MSH3: variants seen among roughly 807,000 people sequenced by gnomAD.
The protein encoded by MSH3 is mutS homolog 3.
In MSH3, 106 loss-of-function variants were observed where a neutral mutation model predicts 123.3. The ratio of observed to expected loss-of-function variants is 0.86; its 90% CI spans 0.73 to 1.01. MSH3 has a LOEUF of 1.01. Among genes scored for constraint, MSH3 ranks in the 50% least tolerant of loss-of-function variants. The pLI is 0.00. For missense variants in MSH3, 1,459 were observed against 1,347.6 expected (o/e 1.08, Z -1.29); for synonymous variants, 515 against 481.4 (o/e 1.07, Z -0.91).
At chr5:80,723,050 A>G (rs998432716) in intron 8 of MSH3, among the ~76,000 whole-genome samples, 78 of 152,162 alleles carry the variant, frequency 5.1e-4, no homozygotes, top group Middle Eastern at 3.4e-3. Flanking sequence ...TGATGCTGCA[A>G]TGAGCCCTGG....
intron 8 of MSH3, among the ~76,000 whole-genome samples, chr5:80,706,230 G>T (rs1375756026): frequency 6.6e-6 from 1 of 152,182 alleles, no homozygotes; most frequent in Non-Finnish European, 1.5e-5. Context: ...TTTAGAAAGA[G>T]TAGTTATTTT....
intron 20 of MSH3, among the ~76,000 whole-genome samples, chr5:80,835,988 A>G (rs1013414166): frequency 9.9e-5 from 15 of 152,160 alleles, no homozygotes; most frequent in Non-Finnish European, 2.1e-4. Context: ...TTATATTACT[A>G]TAATAAGCTT....
intron 12 of MSH3, among the ~76,000 whole-genome samples, chr5:80,748,691 T>TACACACACAC (rs36206914): frequency 2.7e-5 from 4 of 147,360 alleles, no homozygotes; most frequent in Admixed American, 6.8e-5. Flanking sequence ...ATTTTTTATT[T>TACACACACAC]ACACACACAC....
chr5:80,824,283 C>T (rs1580072395), intron 20 of MSH3, among the ~76,000 whole-genome samples: 1 of 152,142 alleles, frequency 6.6e-6, no homozygotes, highest in African/African-American at 2.4e-5. Flanking sequence ...GGCAGAGGCG[C>T]CCCTCACCTC....
chr5:80,734,617 T>C (rs1743469107), intron 10 of MSH3, among the ~76,000 whole-genome samples: 1 of 152,196 alleles, frequency 6.6e-6, no homozygotes, highest in Non-Finnish European at 1.5e-5. Context: ...ATTTCTACTC[T>C]GGTTGGAGAG....
intron 12 of MSH3, among the ~76,000 whole-genome samples, chr5:80,761,230 G>T (rs55900745): frequency 2.6e-5 from 4 of 152,166 alleles, no homozygotes; most frequent in Non-Finnish European, 4.4e-5. Context: ...AAGACAGAAC[G>T]AGAATCTTGC....
At chr5:80,661,168 C>T (rs1278992936) in intron 2 of MSH3, among the ~76,000 whole-genome samples, 1 of 152,110 alleles carries the variant, frequency 6.6e-6, no homozygotes, top group Admixed American at 6.5e-5. Flanking sequence ...TAAAGCTTCT[C>T]GAGTCTGTGG....
Position 80,759,367 on chromosome 5 carries a change from G to A in MSH3, c.1764-2179G>A, listed in dbSNP as rs185261163. 3.5e-4 allele frequency among the ~76,000 whole-genome samples: 54 copies of A among 152,336 alleles called. No homozygotes were observed. In the East Asian group the frequency reaches 8.5e-3, roughly 24 times the overall value. On this transcript the variant is annotated intron_variant, in intron 12 of 23. Transcript: ENST00000265081. ...TCAGAGGAAGAGAGGGTAGGAGTTC[G>A]CCAGACGAAGTGTAGCTGATGGGTG...
At chr5:80,818,001 G>A (rs908979097) in intron 20 of MSH3, among the ~76,000 whole-genome samples, 1 of 152,148 alleles carries the variant, frequency 6.6e-6, no homozygotes, top group Non-Finnish European at 1.5e-5. Context: ...CCTGAGGTCA[G>A]GAGTTCAAGA....
intron 20 of MSH3, among the ~76,000 whole-genome samples, chr5:80,832,152 A>G (rs1745431332): frequency 6.6e-6 from 1 of 151,978 alleles, no homozygotes; most frequent in South Asian, 2.1e-4. Flanking sequence ...TCTCCCATAC[A>G]AAGCACTTAG....
intron 13 of MSH3, among the ~76,000 whole-genome samples, chr5:80,766,332 T>C (rs1043984517): frequency 6.7e-6 from 1 of 149,310 alleles, no homozygotes; most frequent in Non-Finnish European, 1.5e-5. Context: ...TCTAGTGTGT[T>C]TTTTTCCTTT....
At chr5:80,835,680 T>A (rs1203402464) in intron 20 of MSH3, among the ~76,000 whole-genome samples, 1 of 152,002 alleles carries the variant, frequency 6.6e-6, no homozygotes, top group Non-Finnish European at 1.5e-5. Flanking sequence ...TTTGGGAGCC[T>A]GAGGTGGGTG....
At chr5:80,690,897 T>C (rs995839109) in intron 8 of MSH3, among the ~76,000 whole-genome samples, 1 of 152,154 alleles carries the variant, frequency 6.6e-6, no homozygotes, top group Non-Finnish European at 1.5e-5. Flanking sequence ...AAATTCCTTT[T>C]TTTCAGTTTT....
In MSH3 at chr5:80,729,693, A is replaced by G. The variant is rs149613471; in HGVS notation, c.1568+728A>G. On this transcript the variant is annotated intron_variant, in intron 10 of 23. Transcript: ENST00000265081. The stretch of plus-strand genomic sequence containing the variant: ...CCAGCTGCTAACACAGCTTTTTACA[A>G]GAGTGATTAACTGTGGATTTTGGAA... 9.4e-4 allele frequency among the ~76,000 whole-genome samples: 143 copies of G among 152,254 alleles called. 1 individual carries two copies. Among genetic ancestry groups the G allele is most frequent in the African/African-American group, 3.4e-3 (142 of 41,554 alleles).
chr5:80,773,930 G>C (rs1209417523), intron 15 of MSH3, among the ~76,000 whole-genome samples: 1 of 151,974 alleles, frequency 6.6e-6, no homozygotes, highest in East Asian at 1.9e-4. Context: ...ACCACGCCTG[G>C]CTAATTTTTG....
Position 80,670,154 on chromosome 5 carries a change from T to C in MSH3, c.637T>C (p.Leu213=). ...FGSSNTSHEN[L]QKTASKSANK... is the part of the protein sequence containing the mutation. ...ATCATCAAATACAAGTCATGAAAAT[T>C]TACAGAAAACTGCTTCCAAATCAGC... Residue 213 remains leucine (L), a synonymous_variant, in exon 4 of 24, where the codon TTA becomes CTA. Transcript: ENST00000265081. 6.2e-7 allele frequency: 1 copy of C among 1,614,140 alleles called. No homozygotes were observed.
At chr5:80,671,330 G>A (rs1381958674) in intron 4 of MSH3, among the ~76,000 whole-genome samples, 1 of 152,096 alleles carries the variant, frequency 6.6e-6, no homozygotes, top group Non-Finnish European at 1.5e-5. Context: ...TGATGAGGTA[G>A]CATGTCTGTG....
At chr5:80,720,486 CTTATCT>C (rs907402719) in intron 8 of MSH3, among the ~76,000 whole-genome samples, 2 of 117,584 alleles carry the variant, frequency 1.7e-5, no homozygotes, top group African/African-American at 5.5e-5. Flanking sequence ...TTTCCTGCTT[CTTATCT>C]TTATTATCTG....
rs1316782937 is a variant in MSH3, at chr5:80,692,324, TTAGA to T, written c.1340+13242_1340+13245del. Among the ~76,000 whole-genome samples the T allele has an allele frequency of 3.3e-4, 23 of 69,578 alleles. 1 individual carries two copies. Among genetic ancestry groups the T allele is most frequent in the Non-Finnish European group, 4.9e-4 (18 of 36,490 alleles). 45.6% of individuals were successfully genotyped at this position (69,578 alleles called of 152,430 possible). On this transcript the variant is annotated intron_variant, in intron 8 of 23. Coordinates refer to ENST00000265081, the MANE Select transcript of MSH3 (RefSeq NM_002439.5). Reference sequence around the variant, plus strand: ...GTTAGATAGATAAACATGTATATGTTTAGATAGATAGATAAACATGTATATGTTT... The same window carrying T: ...GTTAGATAGATAAACATGTATATGTTTAGATAGATAAACATGTATATGTTT...
Sources: allele counts gnomAD v4.1 joint callset (sites outside exome capture counted in the v4.1 genomes callset), GRCh38; gene constraint gnomAD v4.1.1; transcripts MANE v1.5; gene names NCBI Gene and HGNC (gene_info 2026-07-23, HGNC 2026-07-21).